LARGE1: variants seen among roughly 807,000 people sequenced by gnomAD.
LARGE1 encodes xylosyl- and glucuronyltransferase LARGE1.
A neutral mutation model predicts 87.6 loss-of-function variants in LARGE1; 43 were observed. That is an observed-to-expected ratio of 0.49 (90% CI 0.38 to 0.63). The LOEUF (loss-of-function observed/expected upper bound fraction) is 0.63, where lower values mean the gene tolerates loss of function less well. Among genes scored for constraint, LARGE1 ranks in the 30% least tolerant of loss-of-function variants. The probability of loss-of-function intolerance (pLI) is 0.00; values close to 1 mark genes in which losing one functional copy is unlikely to be tolerated. For missense variants in LARGE1, 802 were observed against 1,000.2 expected, an observed-to-expected ratio of 0.80 and a Z score of 2.67; for synonymous variants, 434 against 394.6, an observed-to-expected ratio of 1.10 and a Z score of -1.18.
At chr22:33,244,354 A>G (rs1017366701) in intron 11 of LARGE1, among the ~76,000 whole-genome samples, 1 of 152,160 alleles carries the variant, frequency 6.6e-6, no homozygotes, top group Non-Finnish European at 1.5e-5. Context: ...ACAAATTCTA[A>G]TAAGCTAAGC....
chr22:33,872,505 T>C (rs151300361), intron 1 of LARGE1, among the ~76,000 whole-genome samples: 2,531 of 151,948 alleles, frequency 0.017, 35 homozygotes, highest in Middle Eastern at 0.041. Flanking sequence ...ATCCCCATCA[T>C]CACCACCAAC....
chr22:33,494,394 T>A (rs1039632837), intron 6 of LARGE1, among the ~76,000 whole-genome samples: 1 of 152,226 alleles, frequency 6.6e-6, no homozygotes, highest in African/African-American at 2.4e-5. Flanking sequence ...ATAAAGTGAC[T>A]GAGCTGCTTC....
chr22:33,577,858 A>T (rs1314821935), intron 5 of LARGE1, among the ~76,000 whole-genome samples: 1 of 152,336 alleles, frequency 6.6e-6, no homozygotes, highest in African/African-American at 2.4e-5. Flanking sequence ...TTCTTTCACC[A>T]CACATAGAAG....
chr22:33,355,685 C>T (rs574826084), intron 9 of LARGE1, among the ~76,000 whole-genome samples: 1 of 59,340 alleles, frequency 1.7e-5, no homozygotes, highest in African/African-American at 3.4e-5. Flanking sequence ...CCTAGCCCTC[C>T]GGCTTTCTGA....
intron 6 of LARGE1, among the ~76,000 whole-genome samples, chr22:33,482,970 A>G (rs1020203936): frequency 5.3e-5 from 8 of 152,296 alleles, no homozygotes; most frequent in Admixed American, 1.3e-4. Flanking sequence ...CAGAGATTGC[A>G]TGCGGGATGG....
chr22:33,680,704 A>G (rs1227258238), intron 2 of LARGE1, among the ~76,000 whole-genome samples: 1 of 152,152 alleles, frequency 6.6e-6, no homozygotes, highest in Non-Finnish European at 1.5e-5. Flanking sequence ...CGTCTAACAA[A>G]GAGAATCTTG....
At chr22:33,334,950 C>T (rs375787764) in intron 10 of LARGE1, among the ~76,000 whole-genome samples, 1 of 152,126 alleles carries the variant, frequency 6.6e-6, no homozygotes. Flanking sequence ...CTCGCCGATC[C>T]CCCCAGGGGA....
chr22:33,739,485 C>T (rs1365251735), intron 2 of LARGE1, among the ~76,000 whole-genome samples: 3 of 152,304 alleles, frequency 2.0e-5, no homozygotes, highest in East Asian at 1.9e-4. Context: ...ACCCTGCAGC[C>T]ACGCAAGACA....
intron 11 of LARGE1, among the ~76,000 whole-genome samples, chr22:33,306,987 C>T (rs959191385): frequency 2.0e-5 from 3 of 152,132 alleles, no homozygotes; most frequent in Admixed American, 6.5e-5. Context: ...CCTCCACAAG[C>T]GAGACAGAAT....
chr22:33,892,099 A>G (rs948445522), intron 1 of LARGE1, among the ~76,000 whole-genome samples: 4 of 152,166 alleles, frequency 2.6e-5, no homozygotes, highest in African/African-American at 7.2e-5. Flanking sequence ...AGCTTCTTTC[A>G]AACAGGATTC....
At chr22:33,791,547 C>T (rs539000804) in intron 1 of LARGE1, among the ~76,000 whole-genome samples, 2 of 152,298 alleles carry the variant, frequency 1.3e-5, no homozygotes, top group African/African-American at 4.8e-5. Flanking sequence ...AGAAATGTTG[C>T]TGCCTAAAGG....
chr22:33,568,702 G>A lies in LARGE1; in HGVS notation c.616-3683C>T, dbSNP rs112705602. On this transcript the variant is annotated intron_variant, in intron 5 of 14. Coordinates refer to ENST00000397394, the MANE Select transcript of LARGE1 (RefSeq NM_133642.5). ...AATCACTTGAACCTAGGAAGCGGAA[G>A]TTGCGGTGAGCAGAGATCGCACCAT... 6.4e-3 allele frequency among the ~76,000 whole-genome samples: 935 copies of A among 144,986 alleles called. 2 individuals are homozygous for A. Among genetic ancestry groups the A allele is most frequent in the Middle Eastern group, 0.028 (8 of 282 alleles).
intron 2 of LARGE1, among the ~76,000 whole-genome samples, chr22:33,716,351 T>C (rs1467773192): frequency 6.6e-6 from 1 of 152,210 alleles, no homozygotes; most frequent in Non-Finnish European, 1.5e-5. Context: ...GCAACTCTAC[T>C]TCATCTGTGC....
At chr22:33,120,388 T>TTCTTTCTTTCTTTC in the LARGE1 span, among the ~76,000 whole-genome samples, 4 of 97,166 alleles carry the variant, frequency 4.1e-5, no homozygotes, top group African/African-American at 2.5e-4. Context: ...CTTTCTTTCT[T>TTCTTTCTTTCTTTC]TCTTTCTTTC....
At chr22:33,908,432 G>T (rs758554304) in intron 1 of LARGE1, among the ~76,000 whole-genome samples, 18 of 151,966 alleles carry the variant, frequency 1.2e-4, no homozygotes, top group Non-Finnish European at 2.2e-4. Flanking sequence ...GATAAAGAAG[G>T]AAAGAGCTTA....
At chr22:33,137,747 G>A in the LARGE1 span, among the ~76,000 whole-genome samples, 1 of 152,226 alleles carries the variant, frequency 6.6e-6, no homozygotes, top group East Asian at 1.9e-4. Context: ...TGGCTTCAGA[G>A]GGTGCAAGCC....
intron 6 of LARGE1, among the ~76,000 whole-genome samples, chr22:33,514,279 T>A (rs1407822074): frequency 4.1e-5 from 2 of 48,590 alleles, no homozygotes; most frequent in Non-Finnish European, 8.1e-5. Flanking sequence ...AGTCTATGTG[T>A]GTCCACACAC....
At chr22:33,429,440 T>A (rs1451273341) in intron 7 of LARGE1, among the ~76,000 whole-genome samples, 1 of 152,152 alleles carries the variant, frequency 6.6e-6, no homozygotes, top group African/African-American at 2.4e-5. Context: ...TGGAGGTGGT[T>A]TACGTGCTCC....
the LARGE1 span, among the ~76,000 whole-genome samples, chr22:33,090,493 T>C: frequency 6.6e-6 from 1 of 152,030 alleles, no homozygotes; most frequent in Non-Finnish European, 1.5e-5. Flanking sequence ...TAGGGTTATT[T>C]TGGAGGAAGA....
Sources: gnomAD v4.1 joint callset for allele counts (sites outside exome capture counted in the v4.1 genomes callset) on GRCh38, gnomAD v4.1.1 for gene constraint, MANE v1.5 for transcripts, NCBI Gene and HGNC (gene_info 2026-07-23, HGNC 2026-07-21) for gene names.